ZNF184: variants seen among roughly 807,000 people sequenced by gnomAD.
The protein encoded by ZNF184 is zinc finger protein 184 (Kruppel-like).
In ZNF184, 16 loss-of-function variants were observed where a neutral mutation model predicts 54.4. The observed-to-expected ratio is 0.29, with a 90% confidence interval of 0.20 to 0.45. The LOEUF is 0.45. ZNF184 is among the 20% of genes least tolerant of loss of function. ZNF184 has a pLI of 1.00. For missense variants in ZNF184, 681 were observed against 888.2 expected (o/e 0.77, Z 2.97); for synonymous variants, 254 against 295.3 (o/e 0.86, Z 1.43).
intron 3 of ZNF184, among the ~76,000 whole-genome samples, chr6:27,462,911 T>C (rs1340587321): frequency 6.7e-6 from 1 of 149,306 alleles, no homozygotes; most frequent in Non-Finnish European, 1.5e-5. Context: ...CAGGAAAATA[T>C]AACCCATAAT....
At chr6:27,445,721 C>A in the ZNF184 span, among the ~76,000 whole-genome samples, 231 of 129,164 alleles carry the variant, frequency 1.8e-3, 1 homozygote, top group South Asian at 2.6e-3. Context: ...TCTGTTATAG[C>A]AAAAAAAAAA....
downstream of ZNF184, among the ~76,000 whole-genome samples, chr6:27,448,468 G>A (rs1447313066): frequency 2.0e-5 from 3 of 152,058 alleles, no homozygotes; most frequent in Non-Finnish European, 4.4e-5. Context: ...ATTCAAATCT[G>A]TGCCCGACAC....
chr6:27,461,997 A>T (rs889806735), intron 3 of ZNF184, among the ~76,000 whole-genome samples: 1 of 152,208 alleles, frequency 6.6e-6, no homozygotes, highest in African/African-American at 2.4e-5. Flanking sequence ...CAGCACTCAA[A>T]AAGGGTTAGA....
chr6:27,449,201 C>T (rs914068663), downstream of ZNF184, among the ~76,000 whole-genome samples: 2 of 152,158 alleles, frequency 1.3e-5, no homozygotes, highest in Non-Finnish European at 2.9e-5. Context: ...GAGGAAAATG[C>T]TTAGTCTCTA....
intron 3 of ZNF184, among the ~76,000 whole-genome samples, chr6:27,462,869 A>T (rs1175761963): frequency 6.6e-6 from 1 of 151,500 alleles, no homozygotes; most frequent in African/African-American, 2.4e-5. Context: ...TGTCTCAAAA[A>T]AAAAAAAAAA....
chr6:27,424,105 T>G, the ZNF184 span, among the ~76,000 whole-genome samples: 1 of 152,330 alleles, frequency 6.6e-6, no homozygotes, highest in South Asian at 2.1e-4. Flanking sequence ...TGTGTTCAGT[T>G]TCTTCCTTCT....
At chr6:27,442,693 G>C in the ZNF184 span, among the ~76,000 whole-genome samples, 1 of 129,448 alleles carries the variant, frequency 7.7e-6, no homozygotes, top group Non-Finnish European at 1.6e-5. Context: ...AAGAAAGAGA[G>C]AGAGAAACAG....
At chr6:27,442,976 C>T in the ZNF184 span, among the ~76,000 whole-genome samples, 655 of 152,034 alleles carry the variant, frequency 4.3e-3, 7 homozygotes, top group Admixed American at 0.012. Context: ...TTTCTTCTGC[C>T]TCTTTACTGT....
chr6:27,469,581 C>T (rs1763223258), intron 2 of ZNF184, among the ~76,000 whole-genome samples: 1 of 151,880 alleles, frequency 6.6e-6, no homozygotes, highest in Non-Finnish European at 1.5e-5. Context: ...AGGGAGGTTG[C>T]AGTGAGCCGA....
At chr6:27,423,655 A>ACAAAG in the ZNF184 span, among the ~76,000 whole-genome samples, 1 of 152,150 alleles carries the variant, frequency 6.6e-6, no homozygotes, top group African/African-American at 2.4e-5. Context: ...AAAAAACAAA[A>ACAAAG]CACCGCTCAG....
the ZNF184 span, among the ~76,000 whole-genome samples, chr6:27,436,141 G>T: frequency 6.6e-6 from 1 of 151,918 alleles, no homozygotes; most frequent in Non-Finnish European, 1.5e-5. Context: ...AGTTTTCATC[G>T]ATTCCTAGTC....
chr6:27,404,833 A>G, the ZNF184 span: 1 of 152,156 alleles, frequency 6.6e-6, no homozygotes, highest in Admixed American at 6.5e-5. Flanking sequence ...CCTGGCCAAC[A>G]TGATGAAACC....
intron 3 of ZNF184, among the ~76,000 whole-genome samples, chr6:27,460,446 T>C (rs1443791717): frequency 2.0e-5 from 3 of 152,194 alleles, no homozygotes; most frequent in Non-Finnish European, 4.4e-5. Flanking sequence ...AACAAGTGTT[T>C]TCATATTTTG....
chr6:27,442,826 G>T, the ZNF184 span, among the ~76,000 whole-genome samples: 1 of 69,152 alleles, frequency 1.4e-5, no homozygotes, highest in East Asian at 3.6e-4. Flanking sequence ...AAGAAAGAAA[G>T]AAAGAAAGAA....
intron 3 of ZNF184, among the ~76,000 whole-genome samples, chr6:27,466,704 G>A (rs370901448): frequency 6.6e-6 from 1 of 151,938 alleles, no homozygotes; most frequent in Non-Finnish European, 1.5e-5. Flanking sequence ...AAAGTACTTC[G>A]GCTGAAAGTG....
intron 3 of ZNF184, among the ~76,000 whole-genome samples, chr6:27,465,670 A>G: frequency 6.6e-6 from 1 of 152,144 alleles, no homozygotes; most frequent in Non-Finnish European, 1.5e-5. Context: ...TCAACGATAA[A>G]GGAGTCAACT....
intron 2 of ZNF184, among the ~76,000 whole-genome samples, chr6:27,470,828 G>A (rs918737340): frequency 6.6e-6 from 1 of 152,004 alleles, no homozygotes; most frequent in African/African-American, 2.4e-5. Flanking sequence ...ATAAAATTGT[G>A]AGAAATCCAC....
Position 27,452,787 on chromosome 6 carries a change from C to T in ZNF184, c.772G>A (p.Ala258Thr), listed in dbSNP as rs200109246. ...ATAAGGTTTTCACTCCGGCTGAAGG[C>T]TTTTTCACATTCATTACATTTGTAG... Reference protein sequence around the residue: ...KPYKCNECEKAFSRSENLINH... With the variant: ...KPYKCNECEKTFSRSENLINH... The change falls in exon 6 of 6, where the codon GCC (alanine) becomes ACC (threonine). Residue 258 changes from alanine to threonine, a missense_variant. Transcript: ENST00000683788. The surrounding 1 kb of genome is among the most constrained non-coding windows in gnomAD (Gnocchi z 5.5). The T allele has an allele frequency of 1.2e-6, 2 of 1,613,280 alleles. No individual in the cohort carries two copies. The highest frequency in any genetic ancestry group is 2.7e-5 in the African/African-American group (2 of 74,824).
chr6:27,417,451 A>C, the ZNF184 span, among the ~76,000 whole-genome samples: 7 of 151,652 alleles, frequency 4.6e-5, no homozygotes, highest in African/African-American at 1.7e-4. Context: ...CATTTTCTGA[A>C]TTCCCATGTC....
Sources: allele counts gnomAD v4.1 joint callset (sites outside exome capture counted in the v4.1 genomes callset), GRCh38; gene constraint gnomAD v4.1.1; non-coding constraint Gnocchi (gnomAD v3.1); transcripts MANE v1.5; gene names NCBI Gene and HGNC (gene_info 2026-07-23, HGNC 2026-07-21).